Variants in TBL1XR1 observed in about 807,000 individuals in gnomAD.
TBL1XR1 encodes the protein F-box-like/WD repeat-containing protein TBL1XR1.
A neutral mutation model predicts 66.9 loss-of-function variants in TBL1XR1; 5 were observed. The ratio of observed to expected loss-of-function variants is 0.07; its 90% confidence interval spans 0.04 to 0.16. The LOEUF is 0.16. Ranked by LOEUF, TBL1XR1 falls within the 10% of genes least tolerant of loss-of-function variation. The probability of loss-of-function intolerance (pLI) is 1.00; values close to 1 mark genes in which losing one functional copy is unlikely to be tolerated. For missense variants in TBL1XR1, 238 were observed against 623.2 expected (o/e 0.38, Z 6.58); for synonymous variants, 210 against 206.0 (o/e 1.02, Z -0.17).
chr3:177,197,808 C>A (rs1270096843), upstream of TBL1XR1, among the ~76,000 whole-genome samples: 1 of 147,244 alleles, frequency 6.8e-6, no homozygotes, highest in Non-Finnish European at 1.5e-5. Context: ...ATCAGGCGAG[C>A]CCCGCGGGCA....
At chr3:177,170,775 T>C (rs1484583754) in intron 1 of TBL1XR1, among the ~76,000 whole-genome samples, 1 of 152,022 alleles carries the variant, frequency 6.6e-6, no homozygotes, top group Non-Finnish European at 1.5e-5. Flanking sequence ...CAGCTAGTTT[T>C]TGTATTTTTT....
chr3:177,032,199 G>A (rs1281912607), intron 14 of TBL1XR1: 1 of 152,174 alleles, frequency 6.6e-6, no homozygotes, highest in African/African-American at 2.4e-5. Flanking sequence ...TTACCAGCAG[G>A]AGAGGAACAA....
intron 1 of TBL1XR1, among the ~76,000 whole-genome samples, chr3:177,178,787 T>C (rs143858784): frequency 2.6e-4 from 39 of 152,230 alleles, no homozygotes; most frequent in African/African-American, 9.4e-4. Context: ...ATAAATATTC[T>C]TCACCCATGG....
intron 1 of TBL1XR1, among the ~76,000 whole-genome samples, chr3:177,193,528 C>A (rs1156899276): frequency 6.6e-6 from 1 of 152,156 alleles, no homozygotes; most frequent in Non-Finnish European, 1.5e-5. Context: ...CCAAGATGGT[C>A]TCAATCTCTT....
intron 1 of TBL1XR1, among the ~76,000 whole-genome samples, chr3:177,123,871 G>A (rs1053243196): frequency 1.3e-5 from 2 of 151,956 alleles, no homozygotes; most frequent in African/African-American, 2.4e-5. Context: ...TTTCATGAAA[G>A]GATGACAAAG....
chr3:177,098,218 A>G (rs1723741222), intron 2 of TBL1XR1, among the ~76,000 whole-genome samples: 1 of 114,580 alleles, frequency 8.7e-6, no homozygotes, highest in East Asian at 2.8e-4. Context: ...GTCTCAAAAA[A>G]ACATAAAAAG....
chr3:177,056,163 AAGGT>A (rs1334871336), intron 3 of TBL1XR1, among the ~76,000 whole-genome samples: 1 of 152,202 alleles, frequency 6.6e-6, no homozygotes, highest in African/African-American at 2.4e-5. Flanking sequence ...ATTTACTGCC[AAGGT>A]TTTGAAAGTG....
chr3:177,055,213 A>G (rs1717642900), intron 3 of TBL1XR1, among the ~76,000 whole-genome samples: 1 of 151,830 alleles, frequency 6.6e-6, no homozygotes, highest in Non-Finnish European at 1.5e-5. Flanking sequence ...TTGTGCTTCC[A>G]CTCTTATACT....
At chr3:177,140,741 AAATAT>A (rs1380313831) in intron 1 of TBL1XR1, among the ~76,000 whole-genome samples, 1 of 152,208 alleles carries the variant, frequency 6.6e-6, no homozygotes, top group Non-Finnish European at 1.5e-5. Flanking sequence ...CCTTCCTCAT[AAATAT>A]AAGTAAATAA....
intron 1 of TBL1XR1, chr3:177,161,068 A>G (rs1235125192): frequency 6.6e-6 from 1 of 152,174 alleles, no homozygotes; most frequent in Non-Finnish European, 1.5e-5. Flanking sequence ...ACTAAAACAA[A>G]GCCAGTTAAT....
intron 3 of TBL1XR1, among the ~76,000 whole-genome samples, chr3:177,055,554 C>A (rs538444323): frequency 5.4e-4 from 1 of 1,856 alleles, no homozygotes; most frequent in Non-Finnish European, 6.1e-3. Flanking sequence ...GGGGGCGGGG[C>A]GGGGGTGGGG....
In TBL1XR1 at chr3:177,021,774, T is replaced by C. The variant is rs1712405012; in HGVS notation, c.*3724A>G. ...ATGCCACAATGTTGGTCCACTGAAA[T>C]AGGATTTCTGCGGAAACTGTCAACA... On this transcript the variant is annotated 3_prime_UTR_variant, in exon 16 of 16. Coordinates refer to ENST00000457928, the MANE Select transcript of TBL1XR1 (RefSeq NM_024665.7). 6.6e-6 allele frequency: 1 copy of C among 152,584 alleles called. No homozygotes were observed. Among genetic ancestry groups the C allele is most frequent in the African/African-American group, 2.4e-5 (1 of 41,456 alleles). The allele number at this position is 152,584 out of a possible 1,614,324, so 9.5% of individuals were successfully genotyped here. A position where few individuals can be genotyped will look rare whatever the true frequency, so the allele number is the denominator to read the frequency against.
chr3:177,112,107 A>ATATATATATATATATATATAT, intron 1 of TBL1XR1, among the ~76,000 whole-genome samples: 3 of 37,652 alleles, frequency 8.0e-5, no homozygotes, highest in African/African-American at 2.6e-4. Flanking sequence ...ATATATATAT[A>ATATATATATATATATATATAT]TTTTTTTTTT....
intron 1 of TBL1XR1, among the ~76,000 whole-genome samples, chr3:177,154,758 T>C (rs1452773281): frequency 6.6e-6 from 1 of 152,034 alleles, no homozygotes; most frequent in East Asian, 1.9e-4. Context: ...TCTCTGTAAA[T>C]AATAAAACTA....
intron 3 of TBL1XR1, 147 bp downstream of exon 3, chr3:177,064,772 TA>T: frequency 1.6e-6 from 1 of 617,388 alleles, no homozygotes; most frequent in Admixed American, 3.7e-5. Flanking sequence ...AACCATGCAG[TA>T]AAACATAGCT....
At chr3:177,155,598 A>G (rs1731391192) in intron 1 of TBL1XR1, among the ~76,000 whole-genome samples, 1 of 152,254 alleles carries the variant, frequency 6.6e-6, no homozygotes, top group South Asian at 2.1e-4. Flanking sequence ...AAAGGATACT[A>G]AGGACTTTCA....
intron 3 of TBL1XR1, among the ~76,000 whole-genome samples, chr3:177,059,482 G>C (rs914736838): frequency 4.6e-5 from 7 of 152,114 alleles, no homozygotes; most frequent in African/African-American, 1.7e-4. Context: ...ATAGTATATG[G>C]TTCTGACTTG....
At chr3:177,157,483 G>A (rs1231497340) in intron 1 of TBL1XR1, among the ~76,000 whole-genome samples, 3 of 152,160 alleles carry the variant, frequency 2.0e-5, no homozygotes, top group Non-Finnish European at 2.9e-5. Context: ...TTAACATAAA[G>A]AAATAGCACA....
At chr3:177,130,947 G>C (rs2108785438) in intron 1 of TBL1XR1, among the ~76,000 whole-genome samples, 1 of 152,282 alleles carries the variant, frequency 6.6e-6, no homozygotes, top group African/African-American at 2.4e-5. Flanking sequence ...GATTGTTTGA[G>C]ACAAGGGAGT....
Sources: gnomAD v4.1 joint callset for allele counts (sites outside exome capture counted in the v4.1 genomes callset) on GRCh38, gnomAD v4.1.1 for gene constraint, MANE v1.5 for transcripts, NCBI Gene and HGNC (gene_info 2026-07-23, HGNC 2026-07-21) for gene names.